Variants in MAP4K4 observed in about 807,000 individuals in gnomAD.
MAP4K4 encodes HPK/GCK-like kinase HGK.
Under a neutral mutation model 189.6 loss-of-function variants are expected in MAP4K4, and 38 were observed. The ratio of observed to expected loss-of-function variants is 0.20; its 90% CI spans 0.15 to 0.26. MAP4K4 has a LOEUF of 0.26. Ranked by LOEUF, MAP4K4 falls within the 10% of genes least tolerant of loss-of-function variation. The probability of loss-of-function intolerance (pLI) is 1.00; values close to 1 mark genes in which losing one functional copy is unlikely to be tolerated. For missense variants in MAP4K4, 1,054 were observed against 1,726.9 expected (o/e 0.61, Z 6.91); for synonymous variants, 610 against 624.3 (o/e 0.98, Z 0.34).
At position 101,874,070 on chromosome 2, in the gene MAP4K4, A is replaced by G. The variant is rs1249428729; in HGVS notation, c.3071-12A>G. ...GTGTACAGAAAATAATTTCAAATATATTGTGTTTCAGTGGGATTTTCCTGT... is the reference window on the plus strand; with the variant it reads ...GTGTACAGAAAATAATTTCAAATATGTTGTGTTTCAGTGGGATTTTCCTGT... On this transcript the variant is annotated splice_polypyrimidine_tract_variant and intron_variant, in intron 25 of 32. Coordinates refer to ENST00000324219, the Ensembl canonical transcript of MAP4K4. The G allele has an allele frequency of 6.2e-7, 1 of 1,610,344 alleles. No individual in the cohort carries two copies. The highest frequency in any genetic ancestry group is 2.2e-5 in the East Asian group (1 of 44,838).
At chr2:101,784,881 C>T (rs1307743636) in intron 2 of MAP4K4, among the ~76,000 whole-genome samples, 2 of 152,146 alleles carry the variant, frequency 1.3e-5, no homozygotes, top group African/African-American at 2.4e-5. Flanking sequence ...AGCTTGTTAA[C>T]CTAGCCCCCT....
intron 3 of MAP4K4, among the ~76,000 whole-genome samples, chr2:101,819,859 A>C (rs188878551): frequency 1.3e-5 from 2 of 152,328 alleles, no homozygotes; most frequent in East Asian, 3.9e-4. Flanking sequence ...ACAGTGCTTC[A>C]TGGTTTCATG....
intron 6 of MAP4K4, 190 bp downstream of exon 6, chr2:101,829,784 C>T (rs1378078857): frequency 1.7e-5 from 9 of 522,506 alleles, no homozygotes; most frequent in South Asian, 6.5e-5. Context: ...TGTTTGTGCC[C>T]CCCTGCCCCC....
chr2:101,806,456 A>G (rs1346508237), intron 3 of MAP4K4, among the ~76,000 whole-genome samples: 1 of 148,838 alleles, frequency 6.7e-6, no homozygotes, highest in African/African-American at 2.5e-5. Flanking sequence ...GCTCACTGCA[A>G]CCTCCACCTC....
intron 2 of MAP4K4, among the ~76,000 whole-genome samples, chr2:101,740,144 A>G (rs1452281958): frequency 8.4e-6 from 1 of 119,360 alleles, no homozygotes; most frequent in Non-Finnish European, 1.6e-5. Flanking sequence ...AAGTTGCTTT[A>G]TATCATCTTT....
At chr2:101,774,738 G>A (rs1367765801) in intron 2 of MAP4K4, among the ~76,000 whole-genome samples, 1 of 152,138 alleles carries the variant, frequency 6.6e-6, no homozygotes, top group Non-Finnish European at 1.5e-5. Flanking sequence ...AACATGTATA[G>A]ATTTATGTAA....
chr2:101,887,679 T>A (rs1191110755), intron 30 of MAP4K4, 99 bp from the exon 31 acceptor site: 6 of 800,606 alleles, frequency 7.5e-6, no homozygotes, highest in African/African-American at 1.7e-5. Context: ...TCTTCAGAGA[T>A]ATGGTACCAG....
At chr2:101,782,241 AGTGGGTG>A (rs2088001754) in intron 2 of MAP4K4, among the ~76,000 whole-genome samples, 1 of 152,106 alleles carries the variant, frequency 6.6e-6, no homozygotes, top group Non-Finnish European at 1.5e-5. Flanking sequence ...TTTATTGGGG[AGTGGGTG>A]GTGGCATTAG....
intron 26 of MAP4K4, among the ~76,000 whole-genome samples, chr2:101,875,951 T>G (rs1418894436): frequency 6.6e-6 from 1 of 152,198 alleles, no homozygotes; most frequent in Non-Finnish European, 1.5e-5. Context: ...ATGTACATCA[T>G]GAGAAAGTGG....
chr2:101,835,268 A>G (rs912316310), intron 8 of MAP4K4, among the ~76,000 whole-genome samples: 1 of 152,160 alleles, frequency 6.6e-6, no homozygotes, highest in Non-Finnish European at 1.5e-5. Context: ...GCCTCTCCTC[A>G]TTGCCCAGAT....
chr2:101,761,901 C>T (rs564935822), intron 2 of MAP4K4, among the ~76,000 whole-genome samples: 1 of 152,148 alleles, frequency 6.6e-6, no homozygotes, highest in Non-Finnish European at 1.5e-5. Context: ...ATCTGCCACC[C>T]TCACCGAGCT....
At chr2:101,711,840 T>C (rs2149316506) in intron 2 of MAP4K4, among the ~76,000 whole-genome samples, 1 of 152,248 alleles carries the variant, frequency 6.6e-6, no homozygotes, top group South Asian at 2.1e-4. Context: ...TTCTTATTGT[T>C]ATATGAAAAA....
At chr2:101,824,649 G>A (rs917266367) in intron 4 of MAP4K4, among the ~76,000 whole-genome samples, 2 of 152,092 alleles carry the variant, frequency 1.3e-5, no homozygotes, top group Admixed American at 1.3e-4. Context: ...AATACTTTTT[G>A]TATCAGTATT....
At chr2:101,881,210 C>A (rs1410634650) in intron 27 of MAP4K4, among the ~76,000 whole-genome samples, 1 of 151,938 alleles carries the variant, frequency 6.6e-6, no homozygotes, top group African/African-American at 2.4e-5. Context: ...ATTTATTATA[C>A]CCATTTTGTT....
chr2:101,776,572 AC>A (rs571647833), intron 2 of MAP4K4, among the ~76,000 whole-genome samples: 37 of 23,952 alleles, frequency 1.5e-3, no homozygotes, highest in African/African-American at 4.4e-3. Flanking sequence ...ATGCACCCCC[AC>A]CCCCCCACCC....
intron 2 of MAP4K4, among the ~76,000 whole-genome samples, chr2:101,750,790 C>T (rs1394642645): frequency 2.0e-5 from 3 of 150,500 alleles, no homozygotes; most frequent in African/African-American, 4.9e-5. Flanking sequence ...GCACCACTTG[C>T]ACTCCAGCCT....
At chr2:101,861,782 T>C (rs573888187) in intron 16 of MAP4K4, 5 of 152,264 alleles carry the variant, frequency 3.3e-5, no homozygotes, top group South Asian at 2.1e-4. Context: ...CTACTGACTT[T>C]TAGATATTTT....
At chr2:101,888,671 G>A in intron 31 of MAP4K4, 125 bp from the exon 32 acceptor site, 1 of 660,398 alleles carries the variant, frequency 1.5e-6, no homozygotes, top group Non-Finnish European at 2.3e-6. Context: ...TTAAATGCTA[G>A]GCATTTAAAT....
At chr2:101,877,114 T>C (rs2098226080) in exon 27 of MAP4K4, 1 of 1,613,882 alleles carries the variant, frequency 6.2e-7, no homozygotes, top group Admixed American at 1.7e-5. Flanking sequence ...ATGGACGTAC[T>C]TGAGGGCTTG....
Sources: allele counts gnomAD v4.1 joint callset (sites outside exome capture counted in the v4.1 genomes callset), GRCh38; gene constraint gnomAD v4.1.1; transcripts MANE v1.5; gene names NCBI Gene and HGNC (gene_info 2026-07-23, HGNC 2026-07-21).